PCLO: variants seen among roughly 807,000 people sequenced by gnomAD.
PCLO encodes piccolo presynaptic cytomatrix protein, also known as protein piccolo.
Under a neutral mutation model 427.5 loss-of-function variants are expected in PCLO, and 82 were observed. That is an observed-to-expected ratio of 0.19 (90% CI 0.16 to 0.23). The LOEUF (loss-of-function observed/expected upper bound fraction) is 0.23, where lower values mean the gene tolerates loss of function less well. Ranked by LOEUF, PCLO falls within the 10% of genes least tolerant of loss-of-function variation. The probability of loss-of-function intolerance (pLI) is 1.00; values close to 1 mark genes in which losing one functional copy is unlikely to be tolerated. For synonymous variants in PCLO, 2,357 were observed against 2,155.4 expected, an observed-to-expected ratio of 1.09 and a Z score of -2.59; for missense variants, 6,239 against 6,115.9, an observed-to-expected ratio of 1.02 and a Z score of -0.67.
In PCLO at chr7:82,952,634, G is replaced by T. The variant is rs556525595; in HGVS notation, c.8319C>A (p.Pro2773=). Residue 2773 remains proline (P), a synonymous_variant, in exon 5 of 25, where the codon CCC becomes CCA. Transcript: ENST00000333891. ...VYGKQISAVQ[P]SIINLSVTSS... ...ATGTCACACTAAGATTTATAATAGA[G>T]GGTTGGACAGCACTAATTTGTTTCC... is the stretch of plus-strand genomic sequence containing the variant. 7 of 1,613,904 alleles carry T rather than the reference G, an allele frequency of 4.3e-6. No homozygotes were observed. Among genetic ancestry groups the T allele is most frequent in the African/African-American group, 1.3e-5 (1 of 75,026 alleles).
chr7:82,777,422 C>A (rs1044633861), intron 22 of PCLO, among the ~76,000 whole-genome samples: 14 of 151,858 alleles, frequency 9.2e-5, no homozygotes, highest in East Asian at 3.9e-4. Flanking sequence ...TCATATGAAA[C>A]CAAAAAAGAG....
At chr7:82,892,814 C>T (rs1027069074) in intron 9 of PCLO, among the ~76,000 whole-genome samples, 1 of 152,042 alleles carries the variant, frequency 6.6e-6, no homozygotes, top group Non-Finnish European at 1.5e-5. Context: ...ACAAAAGACA[C>T]ATGAAAAAAT....
At chr7:83,022,950 T>C (rs1193313474) in intron 3 of PCLO, among the ~76,000 whole-genome samples, 1 of 152,228 alleles carries the variant, frequency 6.6e-6, no homozygotes, top group Non-Finnish European at 1.5e-5. Context: ...TTTTATTTGA[T>C]GTGAGATAAA....
rs547628091 is a variant in PCLO, at chr7:82,754,488, A to G, written c.*4087T>C. Reference sequence around the variant, plus strand: ...GGAGCACCTGAGCACGTCACCAAACAAATATACAGACACAATCAAACAATA... The same window carrying G: ...GGAGCACCTGAGCACGTCACCAAACGAATATACAGACACAATCAAACAATA... On this transcript the variant is annotated 3_prime_UTR_variant, in exon 25 of 25. Transcript: ENST00000333891. The G allele has an allele frequency of 6.6e-6, 1 of 151,640 alleles. No individual in the cohort carries two copies. Among genetic ancestry groups the G allele is most frequent in the East Asian group, 1.9e-4 (1 of 5,192 alleles). The allele number at this position is 151,640 out of a possible 1,614,324, so 9.4% of individuals were successfully genotyped here.
intron 3 of PCLO, among the ~76,000 whole-genome samples, chr7:83,027,858 CAT>C (rs2116111560): frequency 8.2e-6 from 1 of 121,328 alleles, no homozygotes; most frequent in East Asian, 2.3e-4. Context: ...ACAAAAACCA[CAT>C]GATTATCTCA....
intron 22 of PCLO, among the ~76,000 whole-genome samples, chr7:82,786,120 A>G (rs1790978365): frequency 6.6e-6 from 1 of 152,246 alleles, no homozygotes; most frequent in Non-Finnish European, 1.5e-5. Context: ...ATGGAAACCT[A>G]AAGTTAGGCA....
At chr7:83,096,958 T>C (rs1790580593) in intron 3 of PCLO, among the ~76,000 whole-genome samples, 1 of 47,228 alleles carries the variant, frequency 2.1e-5, no homozygotes, top group Non-Finnish European at 3.0e-5. Flanking sequence ...ATATAAATAA[T>C]ATAATATAAT....
chr7:83,067,640 GTTC>G (rs1340189069), intron 3 of PCLO, among the ~76,000 whole-genome samples: 3 of 152,192 alleles, frequency 2.0e-5, no homozygotes, highest in Non-Finnish European at 2.9e-5. Context: ...GGCTCCCACA[GTTC>G]TTCTCTGTTC....
chr7:82,859,765 G>A (rs1792906879), intron 10 of PCLO, among the ~76,000 whole-genome samples: 2 of 152,138 alleles, frequency 1.3e-5, no homozygotes, highest in African/African-American at 4.8e-5. Context: ...ACAAAGATAT[G>A]TGACCTTTTA....
intron 16 of PCLO, among the ~76,000 whole-genome samples, chr7:82,835,249 T>C (rs779370397): frequency 3.5e-4 from 54 of 152,208 alleles, no homozygotes; most frequent in African/African-American, 6.0e-4. Flanking sequence ...TGATGGGATA[T>C]ACACCTGCAC....
intron 22 of PCLO, among the ~76,000 whole-genome samples, chr7:82,770,222 C>CT (rs891108360): frequency 7.2e-5 from 11 of 151,940 alleles, no homozygotes; most frequent in African/African-American, 2.4e-4. Context: ...AGCATTAATT[C>CT]TTTTTATTTC....
intron 6 of PCLO, among the ~76,000 whole-genome samples, chr7:82,918,067 A>C (rs1584151585): frequency 6.6e-6 from 1 of 152,106 alleles, no homozygotes; most frequent in East Asian, 1.9e-4. Flanking sequence ...GGTTTATTGA[A>C]GTTTATATGT....
At chr7:82,924,945 A>G (rs1794679444) in intron 6 of PCLO, among the ~76,000 whole-genome samples, 1 of 152,166 alleles carries the variant, frequency 6.6e-6, no homozygotes, top group African/African-American at 2.4e-5. Context: ...TGAATAAGAC[A>G]CAGTCTCCTC....
Position 82,949,509 on chromosome 7 carries a change from G to A in PCLO, c.11079C>T (p.Ser3693=). Residue 3693 remains serine, a synonymous_variant, in exon 6 of 25, where the codon TCC becomes TCT. Coordinates refer to ENST00000333891, the MANE Select transcript of PCLO (RefSeq NM_033026.6). ...CCTCGGTATACTGAAAAGGAGCCCT[G>A]GAACTTTCGTCTGCTGTTGGACTCA... ...KPLSPTADES[S]RAPFQYTEGY... is the part of the protein sequence containing the mutation. 6.2e-7 allele frequency: 1 copy of A among 1,610,550 alleles called. No individual in the cohort carries two copies. The highest frequency in any genetic ancestry group is 8.5e-7 in the Non-Finnish European group (1 of 1,178,398).
intron 3 of PCLO, among the ~76,000 whole-genome samples, chr7:83,061,959 T>C (rs1482868961): frequency 3.3e-5 from 5 of 152,130 alleles, no homozygotes; most frequent in African/African-American, 1.2e-4. Flanking sequence ...TTTAATTTGA[T>C]AGCAAAGAAA....
intron 9 of PCLO, among the ~76,000 whole-genome samples, chr7:82,889,647 T>C (rs892867498): frequency 2.0e-5 from 3 of 152,138 alleles, no homozygotes; most frequent in African/African-American, 7.2e-5. Flanking sequence ...AAGGGAATAA[T>C]AAACATTAAG....
Position 83,100,813 on chromosome 7 carries a change from T to C in PCLO, c.3300+33437A>G, listed in dbSNP as rs184056540. 2.6e-5 allele frequency among the ~76,000 whole-genome samples: 4 copies of C among 152,216 alleles called. No individual in the cohort carries two copies. In the East Asian group the frequency reaches 7.7e-4, roughly 29 times the overall value. On this transcript the variant is annotated intron_variant, in intron 3 of 24. Transcript: ENST00000333891. ...TGTACTCCTAAACTTAAAATAAAAT[T>C]TAAAAAACTGTTATTTTATATATGA...
At chr7:82,768,472 T>C (rs1489499786) in intron 22 of PCLO, among the ~76,000 whole-genome samples, 1 of 152,114 alleles carries the variant, frequency 6.6e-6, no homozygotes, top group Admixed American at 6.6e-5. Flanking sequence ...CCTCAATATT[T>C]TAAATTTTGT....
At chr7:82,948,171 T>C (rs765245053) in intron 6 of PCLO, among the ~76,000 whole-genome samples, 62 of 152,026 alleles carry the variant, frequency 4.1e-4, no homozygotes, top group Non-Finnish European at 8.1e-4. Context: ...AACAACACTA[T>C]GCATAAAATA....
Sources: gnomAD v4.1 joint callset for allele counts (sites outside exome capture counted in the v4.1 genomes callset) on GRCh38, gnomAD v4.1.1 for gene constraint, MANE v1.5 for transcripts, NCBI Gene and HGNC (gene_info 2026-07-23, HGNC 2026-07-21) for gene names.